ABL2: variants seen among roughly 807,000 people sequenced by gnomAD.
The protein encoded by ABL2 is ABL proto-oncogene 2, non-receptor tyrosine kinase, also known as tyrosine-protein kinase ABL2.
ABL2 carries 49 observed loss-of-function variants against 107.7 expected under a neutral mutation model. That is an observed-to-expected ratio of 0.45 (90% CI 0.36 to 0.58). The LOEUF (loss-of-function observed/expected upper bound fraction) is 0.58, where lower values mean the gene tolerates loss of function less well. Among genes scored for constraint, ABL2 ranks in the 20% least tolerant of loss-of-function variants. The pLI is 0.00. For missense variants in ABL2, 1,245 were observed against 1,457.0 expected, an observed-to-expected ratio of 0.85 and a Z score of 2.37; for synonymous variants, 549 against 548.6, an observed-to-expected ratio of 1.00 and a Z score of -0.01.
At chr1:179,206,584 G>C (rs1182517515) in intron 1 of ABL2, among the ~76,000 whole-genome samples, 1 of 151,584 alleles carries the variant, frequency 6.6e-6, no homozygotes, top group African/African-American at 2.4e-5. Flanking sequence ...TCCATCTAGG[G>C]GGAAAAAAAA....
At chr1:179,205,695 T>C in intron 1 of ABL2, among the ~76,000 whole-genome samples, 1 of 152,208 alleles carries the variant, frequency 6.6e-6, no homozygotes, top group Non-Finnish European at 1.5e-5. Context: ...TTGGATGTGT[T>C]AATCCACTGA....
At chr1:179,164,560 A>C (rs1571229911) in intron 1 of ABL2, among the ~76,000 whole-genome samples, 1 of 152,250 alleles carries the variant, frequency 6.6e-6, no homozygotes, top group Admixed American at 6.5e-5. Context: ...GGAATGTGCC[A>C]ATCCTCTTTC....
intron 1 of ABL2, among the ~76,000 whole-genome samples, chr1:179,148,906 A>C (rs1407736532): frequency 7.1e-6 from 1 of 140,658 alleles, no homozygotes; most frequent in East Asian, 2.3e-4. Flanking sequence ...TCTTGAAAAA[A>C]AAAAAAAGGA....
intron 1 of ABL2, among the ~76,000 whole-genome samples, chr1:179,193,977 A>G (rs2102827007): frequency 6.6e-6 from 1 of 152,206 alleles, no homozygotes; most frequent in Non-Finnish European, 1.5e-5. Flanking sequence ...CAAATTTTTA[A>G]GTGATAGCAA....
chr1:179,229,167 T>TGCCCCCC (rs1663398715), intron 1 of ABL2, 74 bp downstream of exon 1: 26 of 402,566 alleles, frequency 6.5e-5, no homozygotes, highest in East Asian at 2.0e-4. Context: ...GGGCAGCCCG[T>TGCCCCCC]CCGCCACCCA....
rs1252297515 is a variant in ABL2 at position 179,102,060 on chromosome 1, G to A, written c.*5658C>T. On this transcript the variant is annotated 3_prime_UTR_variant, in exon 12 of 12. Coordinates refer to ENST00000502732, the MANE Select transcript of ABL2 (RefSeq NM_007314.4). The stretch of plus-strand genomic sequence containing the variant: ...ACGGAGTCTCACTGTCACCCAGGCT[G>A]GAGTGCAGTGGCGCGATCTGGGCTC... The A allele has an allele frequency of 4.8e-5, 6 of 125,806 alleles. No individual in the cohort carries two copies. The highest frequency in any genetic ancestry group is 3.6e-4 in the Admixed American group (3 of 8,300). 7.8% of individuals were successfully genotyped at this position (125,806 alleles called of 1,614,324 possible). A position where few individuals can be genotyped will look rare whatever the true frequency, so the allele number is the denominator to read the frequency against.
intron 1 of ABL2, among the ~76,000 whole-genome samples, chr1:179,148,039 CTT>C (rs1393464807): frequency 9.9e-5 from 13 of 131,006 alleles, no homozygotes; most frequent in East Asian, 2.2e-4. Context: ...CTTTTCTTTT[CTT>C]TTTTTTTTTT....
chr1:179,170,091 A>T (rs1557971627), intron 1 of ABL2, among the ~76,000 whole-genome samples: 1 of 152,152 alleles, frequency 6.6e-6, no homozygotes, highest in Non-Finnish European at 1.5e-5. Flanking sequence ...AGAGACTAGG[A>T]GTCCAAGGGC....
intron 1 of ABL2, among the ~76,000 whole-genome samples, chr1:179,176,549 C>T (rs1294128399): frequency 6.6e-6 from 1 of 152,126 alleles, no homozygotes; most frequent in Non-Finnish European, 1.5e-5. Flanking sequence ...TAACTATATG[C>T]ATAAAAGGCT....
intron 1 of ABL2, among the ~76,000 whole-genome samples, chr1:179,154,225 A>C (rs927237953): frequency 2.0e-5 from 3 of 152,316 alleles, no homozygotes; most frequent in African/African-American, 7.2e-5. Context: ...CCCCAAGTCA[A>C]ATAGCTAAGT....
At chr1:179,116,142 G>A (rs1185473000) in intron 8 of ABL2, among the ~76,000 whole-genome samples, 1 of 152,228 alleles carries the variant, frequency 6.6e-6, no homozygotes, top group Non-Finnish European at 1.5e-5. Context: ...GGGAGGCCAA[G>A]GCAGGTGGAT....
Position 179,103,375 on chromosome 1 carries a change from C to A in ABL2, c.*4343G>T, listed in dbSNP as rs1414202249. 1.5e-5 allele frequency: 3 copies of A among 204,536 alleles called. No homozygotes were observed. Among genetic ancestry groups the A allele is most frequent in the Non-Finnish European group, 3.0e-5 (3 of 100,104 alleles). 12.7% of individuals were successfully genotyped at this position (204,536 alleles called of 1,614,324 possible). Reference sequence around the variant, plus strand: ...TCAACTGTCTTATCTTTTAAACAGACAATACTACAACCTTATAGTTATATT... The same window carrying A: ...TCAACTGTCTTATCTTTTAAACAGAAAATACTACAACCTTATAGTTATATT... On this transcript the variant is annotated 3_prime_UTR_variant, in exon 12 of 12. Transcript: ENST00000502732.
intron 1 of ABL2, among the ~76,000 whole-genome samples, chr1:179,205,080 G>A (rs914250708): frequency 1.9e-4 from 28 of 149,358 alleles, no homozygotes; most frequent in African/African-American, 6.7e-4. Flanking sequence ...AGGCTGGAGT[G>A]CAGTGGCGTG....
At chr1:179,158,051 A>C (rs910929333) in intron 1 of ABL2, among the ~76,000 whole-genome samples, 4 of 152,216 alleles carry the variant, frequency 2.6e-5, no homozygotes, top group African/African-American at 9.6e-5. Context: ...GAAGGGTGGA[A>C]TACGGTGTTC....
intron 1 of ABL2, among the ~76,000 whole-genome samples, chr1:179,183,517 A>C (rs749333061): frequency 2.6e-5 from 4 of 152,214 alleles, no homozygotes; most frequent in Non-Finnish European, 5.9e-5. Flanking sequence ...CACTCAATTC[A>C]GGTCAATTAA....
intron 1 of ABL2, among the ~76,000 whole-genome samples, chr1:179,204,807 A>G (rs1285010770): frequency 6.6e-6 from 1 of 151,996 alleles, no homozygotes; most frequent in Non-Finnish European, 1.5e-5. Context: ...CCAACTGATA[A>G]CTTATTTGTT....
At chr1:179,111,421 G>A (rs1654070504) in intron 10 of ABL2, among the ~76,000 whole-genome samples, 1 of 151,628 alleles carries the variant, frequency 6.6e-6, no homozygotes, top group Non-Finnish European at 1.5e-5. Flanking sequence ...AAGTAGCTGG[G>A]ATTACAGGCG....
chr1:179,178,387 G>C (rs926050784), intron 1 of ABL2, among the ~76,000 whole-genome samples: 1 of 52,738 alleles, frequency 1.9e-5, no homozygotes, highest in Non-Finnish European at 4.9e-5. Context: ...GGGTGACAGA[G>C]CAAGACTCTG....
chr1:179,123,999 T>C (rs1572644247), intron 4 of ABL2, among the ~76,000 whole-genome samples: 1 of 151,324 alleles, frequency 6.6e-6, no homozygotes, highest in African/African-American at 2.4e-5. Context: ...CCCAGCACTT[T>C]GGGAGGCCAA....
Sources: allele counts gnomAD v4.1 joint callset (sites outside exome capture counted in the v4.1 genomes callset), GRCh38; gene constraint gnomAD v4.1.1; transcripts MANE v1.5; gene names NCBI Gene and HGNC (gene_info 2026-07-23, HGNC 2026-07-21).